The following APPL1 variants were observed in gnomAD, a reference collection of about 807,000 sequenced individuals.
APPL1 encodes adaptor protein, phosphotyrosine interacting with PH domain and leucine zipper 1, also known as DCC-interacting protein 13-alpha.
Under a neutral mutation model 106.8 loss-of-function variants are expected in APPL1, and 42 were observed. The ratio of observed to expected loss-of-function variants is 0.39; its 90% CI spans 0.31 to 0.51. The LOEUF (loss-of-function observed/expected upper bound fraction) is 0.51, where lower values mean the gene tolerates loss of function less well. Among genes scored for constraint, APPL1 ranks in the 20% least tolerant of loss-of-function variants. APPL1 has a pLI of 0.75. For missense variants in APPL1, 769 were observed against 858.2 expected, an observed-to-expected ratio of 0.90 and a Z score of 1.30; for synonymous variants, 263 against 281.8, an observed-to-expected ratio of 0.93 and a Z score of 0.67.
intron 1 of APPL1, among the ~76,000 whole-genome samples, chr3:57,233,829 C>G (rs529437751): frequency 6.6e-6 from 1 of 152,244 alleles, no homozygotes; most frequent in East Asian, 1.9e-4. Context: ...GACCTGTAAT[C>G]CCAGCACTTT....
chr3:57,252,868 G>T (rs1228904099), intron 12 of APPL1, among the ~76,000 whole-genome samples: 1 of 152,120 alleles, frequency 6.6e-6, no homozygotes, highest in Non-Finnish European at 1.5e-5. Context: ...TTTATCTTGA[G>T]AAACATTCTT....
At position 57,227,808 on chromosome 3, in the gene APPL1, A is replaced by C; in HGVS notation, c.-76A>C. On this transcript the variant is annotated 5_prime_UTR_variant, in exon 1 of 22. Coordinates refer to ENST00000288266, the MANE Select transcript of APPL1 (RefSeq NM_012096.3). ...TTGCCGGAGAGGGCGGGCCGGGGTCAGCTGCGGCGGGCGGGCCGGCGCGGG... is the reference window on the plus strand; with the variant it reads ...TTGCCGGAGAGGGCGGGCCGGGGTCCGCTGCGGCGGGCGGGCCGGCGCGGG... 1 of 1,293,836 alleles carries C rather than the reference A, an allele frequency of 7.7e-7. No individual in the cohort carries two copies. 80.1% of individuals were successfully genotyped at this position (1,293,836 alleles called of 1,614,324 possible).
chr3:57,233,745 CT>C (rs1325395813), intron 1 of APPL1, among the ~76,000 whole-genome samples: 1 of 151,990 alleles, frequency 6.6e-6, no homozygotes, highest in Non-Finnish European at 1.5e-5. Context: ...GCTTCCTCCT[CT>C]GAAAATAGGA....
chr3:57,262,018 T>G (rs1237511726), intron 19 of APPL1, among the ~76,000 whole-genome samples: 1 of 152,188 alleles, frequency 6.6e-6, no homozygotes, highest in African/African-American at 2.4e-5. Flanking sequence ...TAATGATTAG[T>G]AATGTCGAGC....
chr3:57,228,750 G>A lies in APPL1; in HGVS notation c.54+813G>A, dbSNP rs1559504985. Reference sequence around the variant, plus strand: ...TATATTTTTTAAAATGTTGGCAGGGGCTGTAACTTGCATAGGGAAAACTTC... The same window carrying A: ...TATATTTTTTAAAATGTTGGCAGGGACTGTAACTTGCATAGGGAAAACTTC... On this transcript the variant is annotated intron_variant, in intron 1 of 21. Coordinates refer to ENST00000288266, the MANE Select transcript of APPL1 (RefSeq NM_012096.3). This position sits in a 1 kb window ranked among gnomAD's most constrained non-coding sequence, Gnocchi z 4.6. 6.6e-6 allele frequency among the ~76,000 whole-genome samples: 1 copy of A among 152,238 alleles called. No individual in the cohort carries two copies. Among genetic ancestry groups the A allele is most frequent in the African/African-American group, 2.4e-5 (1 of 41,458 alleles).
chr3:57,253,550 T>A, intron 12 of APPL1, 132 bp from the exon 13 acceptor site: 1 of 603,356 alleles, frequency 1.7e-6, no homozygotes, highest in South Asian at 3.3e-5. Flanking sequence ...TGTTATGAAA[T>A]GTTTTCTTAT....
chr3:57,255,219 G>A (rs1220481474), intron 13 of APPL1, among the ~76,000 whole-genome samples: 1 of 152,156 alleles, frequency 6.6e-6, no homozygotes, highest in Non-Finnish European at 1.5e-5. Flanking sequence ...TCTAGGACAG[G>A]AGCTGCCTGA....
chr3:57,267,742 A>G lies in APPL1; in HGVS notation c.1843A>G (p.Ile615Val), dbSNP rs1276639754. ...TTTTTCATACTTTTTCTCTTTTTAG[A>G]TATGTGATTCTGTTGGACTGGCAAA... ...IFESNNEGEK[I>V]CDSVGLAKQI... The change falls in exon 20 of 22, where the codon ATA (isoleucine) becomes GTA (valine). Residue 615 changes from isoleucine to valine, a missense_variant and splice_region_variant. Coordinates refer to ENST00000288266, the MANE Select transcript of APPL1 (RefSeq NM_012096.3). 1.2e-6 allele frequency: 2 copies of G among 1,613,580 alleles called. No homozygotes were observed. The highest frequency in any genetic ancestry group is 1.7e-6 in the Non-Finnish European group (2 of 1,179,890).
chr3:57,247,115 A>T (rs558812501), intron 8 of APPL1, among the ~76,000 whole-genome samples: 7 of 152,214 alleles, frequency 4.6e-5, no homozygotes, highest in South Asian at 2.1e-4. Context: ...AAATACTTTA[A>T]AATTTATTTT....
At position 57,269,621 on chromosome 3, in the gene APPL1, TAGC is replaced by T; in HGVS notation, c.2067_2069del (p.Ser691del). The stretch of plus-strand genomic sequence containing the variant: ...GTAGTGAGGGGCAGTTTGTTGTCCT[TAGC>T]AGTAGCCAGTCAGAAGAGAGTGATT... On this transcript the variant is annotated inframe_deletion, in exon 22 of 22. Transcript: ENST00000288266. 6.2e-7 allele frequency: 1 copy of T among 1,614,088 alleles called. No homozygotes were observed. The highest frequency in any genetic ancestry group is 8.5e-7 in the Non-Finnish European group (1 of 1,179,990).
intron 10 of APPL1, 87 bp downstream of exon 10, chr3:57,248,438 T>C (rs916820803): frequency 1.2e-5 from 17 of 1,436,164 alleles, no homozygotes; most frequent in Non-Finnish European, 1.5e-5. Context: ...GTCTGTCATA[T>C]TTTGATTTTT....
chr3:57,271,368 T>C lies in APPL1; in HGVS notation c.*1681T>C, dbSNP rs925072831. 1 of 152,602 alleles carries C rather than the reference T, an allele frequency of 6.6e-6. No homozygotes were observed. The highest frequency in any genetic ancestry group is 2.4e-5 in the African/African-American group (1 of 41,440). 9.5% of individuals were successfully genotyped at this position (152,602 alleles called of 1,614,324 possible). A position where few individuals can be genotyped will look rare whatever the true frequency, so the allele number is the denominator to read the frequency against. ...AAAACATACAGTAAAAAAGTAGAAATTTATGAAATACTTTTGATAAAAAGT... is the reference window on the plus strand; with the variant it reads ...AAAACATACAGTAAAAAAGTAGAAACTTATGAAATACTTTTGATAAAAAGT... On this transcript the variant is annotated 3_prime_UTR_variant, in exon 22 of 22. Transcript: ENST00000288266.
intron 1 of APPL1, among the ~76,000 whole-genome samples, chr3:57,235,105 G>A (rs928474606): frequency 6.6e-6 from 1 of 152,166 alleles, no homozygotes; most frequent in Admixed American, 6.5e-5. Context: ...ATGCTGAAGA[G>A]TCGGCCATGT....
At chr3:57,243,219 T>C (rs1213712160) in intron 7 of APPL1, among the ~76,000 whole-genome samples, 2 of 152,186 alleles carry the variant, frequency 1.3e-5, no homozygotes, top group African/African-American at 4.8e-5. Context: ...TTGGTTCTGT[T>C]TGAATATATA....
rs572968224 is a variant in APPL1, at chr3:57,238,256, C to T, written c.285+140C>T. On this transcript the variant is annotated intron_variant, in intron 4 of 21. Transcript: ENST00000288266. The stretch of plus-strand genomic sequence containing the variant: ...TAATTCCACATCCTGGTGGCTGGCT[C>T]ATCAAAACAATACTTTCTTTACCTG... The T allele has an allele frequency of 4.6e-5, 27 of 590,222 alleles. No homozygotes were observed. The East Asian group carries it at 5.9e-4, about 13-fold the overall frequency. The allele number at this position is 590,222 out of a possible 1,614,324, so 36.6% of individuals were successfully genotyped here.
At chr3:57,253,814 A>G in intron 13 of APPL1, 76 bp downstream of exon 13, 1 of 1,216,140 alleles carries the variant, frequency 8.2e-7, no homozygotes, top group Non-Finnish European at 1.1e-6. Flanking sequence ...TTATTAATTC[A>G]TAATTTCTCA....
At chr3:57,259,165 A>G in intron 16 of APPL1, 85 bp downstream of exon 16, 1 of 1,183,578 alleles carries the variant, frequency 8.4e-7, no homozygotes. Flanking sequence ...TTGCTCTGCT[A>G]CTAAGCTCAG....
chr3:57,248,475 G>C, intron 10 of APPL1, 124 bp downstream of exon 10: 1 of 1,115,466 alleles, frequency 9.0e-7, no homozygotes, highest in Non-Finnish European at 1.2e-6. Context: ...TTTTAGAGGT[G>C]TTAGTATTTA....
chr3:57,252,283 A>G lies in APPL1; in HGVS notation c.1067A>G (p.Gln356Arg). 1 of 1,609,190 alleles carries G rather than the reference A, an allele frequency of 6.2e-7. No individual in the cohort carries two copies. The highest frequency in any genetic ancestry group is 8.5e-7 in the Non-Finnish European group (1 of 1,178,166). ...TTCTCTTCCAGATCTTCAATTTTGCAAGCAGAGAGTAAAAAAGATCATGAA... is the reference window on the plus strand; with the variant it reads ...TTCTCTTCCAGATCTTCAATTTTGCGAGCAGAGAGTAAAAAAGATCATGAA... The part of the protein sequence containing the change: ...SFDGKKSSIL[Q>R]AESKKDHEEW... The change falls in exon 12 of 22, where the codon CAA (glutamine) becomes CGA (arginine). Residue 356 changes from glutamine (Q) to arginine (R), a missense_variant. Physicochemically the swap from Gln to Arg is conservative, Grantham distance 43. Transcript: ENST00000288266.
Sources: allele counts gnomAD v4.1 joint callset (sites outside exome capture counted in the v4.1 genomes callset), GRCh38; gene constraint gnomAD v4.1.1; non-coding constraint Gnocchi (gnomAD v3.1); transcripts MANE v1.5; gene names NCBI Gene and HGNC (gene_info 2026-07-23, HGNC 2026-07-21).